The following PLCB1 variants were observed in gnomAD, a reference collection of about 807,000 sequenced individuals.
The protein encoded by PLCB1 is phospholipase C beta 1.
In PLCB1, 46 loss-of-function variants were observed where a neutral mutation model predicts 161.8. That is an observed-to-expected ratio of 0.28 (90% CI 0.22 to 0.36). PLCB1 has a LOEUF of 0.36. PLCB1 is among the 10% of genes least tolerant of loss of function. The pLI is 1.00. For missense variants in PLCB1, 1,016 were observed against 1,472.5 expected (o/e 0.69, Z 5.07); for synonymous variants, 517 against 503.7 (o/e 1.03, Z -0.35).
At chr20:8,563,155 G>T (rs988109311) in intron 3 of PLCB1, among the ~76,000 whole-genome samples, 58 of 152,030 alleles carry the variant, frequency 3.8e-4, no homozygotes, top group Non-Finnish European at 7.9e-4. Context: ...AGTAGTCCTT[G>T]TGTGTTGGCA....
chr20:8,577,811 T>C (rs951455247), intron 3 of PLCB1, among the ~76,000 whole-genome samples: 2 of 152,210 alleles, frequency 1.3e-5, no homozygotes, highest in Admixed American at 6.5e-5. Context: ...CTTTTGATTT[T>C]GTTTTCAATG....
intron 31 of PLCB1, among the ~76,000 whole-genome samples, chr20:8,831,947 T>C (rs188774573): frequency 7.3e-4 from 61 of 84,014 alleles, no homozygotes; most frequent in Admixed American, 9.6e-4. Context: ...TCTTTCTTTC[T>C]TTCTTTCTTT....
chr20:8,827,196 A>G (rs1985749371), intron 31 of PLCB1, among the ~76,000 whole-genome samples: 1 of 152,178 alleles, frequency 6.6e-6, no homozygotes, highest in South Asian at 2.1e-4. Context: ...AGTGGTAGGC[A>G]TTTTTCCCCA....
chr20:8,858,503 G>A (rs1169335087), intron 31 of PLCB1, among the ~76,000 whole-genome samples: 1 of 152,136 alleles, frequency 6.6e-6, no homozygotes, highest in Non-Finnish European at 1.5e-5. Context: ...AAATCTAAAT[G>A]GCATAAGGCT....
intron 2 of PLCB1, among the ~76,000 whole-genome samples, chr20:8,215,806 G>T (rs370415673): frequency 6.6e-6 from 1 of 151,766 alleles, no homozygotes; most frequent in Admixed American, 6.6e-5. Context: ...CTGAAGTAGG[G>T]CTAAATATTA....
At chr20:8,356,932 G>A (rs1986380414) in intron 2 of PLCB1, among the ~76,000 whole-genome samples, 1 of 152,176 alleles carries the variant, frequency 6.6e-6, no homozygotes, top group South Asian at 2.1e-4. Context: ...CCTGAGCTAA[G>A]TGGATTTTCA....
chr20:8,664,514 C>G (rs1989762146), intron 9 of PLCB1, among the ~76,000 whole-genome samples: 1 of 151,920 alleles, frequency 6.6e-6, no homozygotes, highest in Non-Finnish European at 1.5e-5. Flanking sequence ...GCTATATTCT[C>G]TCACTGTCAA....
intron 3 of PLCB1, among the ~76,000 whole-genome samples, chr20:8,488,788 T>C (rs944199374): frequency 1.3e-5 from 2 of 152,220 alleles, no homozygotes; most frequent in Admixed American, 6.5e-5. Flanking sequence ...TAGGTAACTA[T>C]TTTGTTTTGC....
intron 2 of PLCB1, among the ~76,000 whole-genome samples, chr20:8,324,204 GT>G: frequency 2.0e-5 from 1 of 49,276 alleles, no homozygotes; most frequent in Non-Finnish European, 4.4e-5. Flanking sequence ...GTAGGGGTGT[GT>G]GTGTGTGTGT....
chr20:8,406,368 C>T (rs1477817417), intron 3 of PLCB1, among the ~76,000 whole-genome samples: 1 of 152,104 alleles, frequency 6.6e-6, no homozygotes, highest in Non-Finnish European at 1.5e-5. Flanking sequence ...AATGGAAGAA[C>T]ATGCAGGTAA....
At chr20:8,878,416 T>C (rs1224813464) in intron 31 of PLCB1, among the ~76,000 whole-genome samples, 1 of 152,198 alleles carries the variant, frequency 6.6e-6, no homozygotes, top group African/African-American at 2.4e-5. Flanking sequence ...AAGCCCCACT[T>C]CCTTCTAAAT....
intron 3 of PLCB1, among the ~76,000 whole-genome samples, chr20:8,610,410 T>G (rs1471139636): frequency 6.6e-6 from 1 of 152,216 alleles, no homozygotes; most frequent in African/African-American, 2.4e-5. Context: ...ATTGTTTTTA[T>G]TTTTTGGCTA....
chr20:8,789,478 G>T (rs376589737), intron 29 of PLCB1, 40 bp from the exon 30 acceptor site: 69 of 1,296,586 alleles, frequency 5.3e-5, no homozygotes, highest in Non-Finnish European at 7.4e-5. Context: ...GTCAATTCTG[G>T]ATGAATTGGT....
intron 3 of PLCB1, among the ~76,000 whole-genome samples, chr20:8,620,982 G>A (rs1012964704): frequency 1.3e-5 from 2 of 152,054 alleles, no homozygotes; most frequent in Admixed American, 1.3e-4. Context: ...ACAGTACCAT[G>A]GAAGGAAGTA....
chr20:8,323,270 A>C (rs1277771840), intron 2 of PLCB1, among the ~76,000 whole-genome samples: 1 of 152,228 alleles, frequency 6.6e-6, no homozygotes, highest in Non-Finnish European at 1.5e-5. Flanking sequence ...TGTTCCAATT[A>C]TCAATTGCTG....
chr20:8,184,831 G>T (rs1250459386), intron 2 of PLCB1, among the ~76,000 whole-genome samples: 1 of 149,588 alleles, frequency 6.7e-6, no homozygotes, highest in Non-Finnish European at 1.5e-5. Flanking sequence ...TGGGATACAT[G>T]TGCAGAATGT....
intron 2 of PLCB1, among the ~76,000 whole-genome samples, chr20:8,202,947 G>A (rs543243938): frequency 2.0e-5 from 3 of 152,188 alleles, no homozygotes; most frequent in South Asian, 4.2e-4. Flanking sequence ...GAGGGGGAGC[G>A]AGTCAAAACA....
intron 31 of PLCB1, among the ~76,000 whole-genome samples, chr20:8,836,396 G>A (rs1986284184): frequency 7.3e-6 from 1 of 137,022 alleles, no homozygotes. Flanking sequence ...CTGAGAATGA[G>A]GAGAGCTGAT....
At chr20:8,701,071 A>G (rs867552339) in intron 11 of PLCB1, among the ~76,000 whole-genome samples, 2 of 152,194 alleles carry the variant, frequency 1.3e-5, no homozygotes, top group Non-Finnish European at 2.9e-5. Flanking sequence ...GTGTCTCTTT[A>G]AATTTTGCAC....
Sources: gnomAD v4.1 joint callset for allele counts (sites outside exome capture counted in the v4.1 genomes callset) on GRCh38, gnomAD v4.1.1 for gene constraint, MANE v1.5 for transcripts, NCBI Gene and HGNC (gene_info 2026-07-23, HGNC 2026-07-21) for gene names.